INSYN2B: variants seen among roughly 807,000 people sequenced by gnomAD.
INSYN2B encodes the protein inhibitory synaptic factor family member 2B.
INSYN2B carries 16 observed loss-of-function variants against 41.2 expected under a neutral mutation model. That is an observed-to-expected ratio of 0.39 (90% CI 0.26 to 0.59). The LOEUF (loss-of-function observed/expected upper bound fraction) is 0.59, where lower values mean the gene tolerates loss of function less well. Among genes scored for constraint, INSYN2B ranks in the 20% least tolerant of loss-of-function variants. The probability of loss-of-function intolerance (pLI) is 0.57; values close to 1 mark genes in which losing one functional copy is unlikely to be tolerated. For missense variants in INSYN2B, 608 were observed against 646.4 expected, an observed-to-expected ratio of 0.94 and a Z score of 0.64; for synonymous variants, 245 against 244.4, an observed-to-expected ratio of 1.00 and a Z score of -0.02.
rs1428321219 is a variant in INSYN2B at position 169,883,978 on chromosome 5, G to A, written c.-80C>T. On this transcript the variant is annotated 5_prime_UTR_variant, in exon 2 of 4. Transcript: ENST00000377365. ...TTAGGTCTTTGGAGCAGTATCTAAT[G>A]ATAGTATTTCAATCATAGAGAACTG... The A allele has an allele frequency of 7.7e-7, 1 of 1,306,916 alleles. No homozygotes were observed. Among genetic ancestry groups the A allele is most frequent in the Non-Finnish European group, 1.0e-6 (1 of 989,154 alleles). The allele number at this position is 1,306,916 out of a possible 1,614,324, so 81.0% of individuals were successfully genotyped here.
chr5:169,963,026 T>G (rs1777155615), intron 1 of INSYN2B, among the ~76,000 whole-genome samples: 1 of 152,158 alleles, frequency 6.6e-6, no homozygotes, highest in Non-Finnish European at 1.5e-5. Flanking sequence ...GATGCTTAAG[T>G]GGGGCTTTGG....
At position 169,882,674 on chromosome 5, in the gene INSYN2B, G is replaced by T. The variant is rs1772723639; in HGVS notation, c.1225C>A (p.Leu409Ile). The T allele has an allele frequency of 1.3e-6, 2 of 1,551,952 alleles. No homozygotes were observed. The highest frequency in any genetic ancestry group is 1.7e-6 in the Non-Finnish European group (2 of 1,147,048). The change falls in exon 2 of 4, where the codon CTC (leucine) becomes ATC (isoleucine). Residue 409 changes from leucine to isoleucine, a missense_variant. Coordinates refer to ENST00000377365, the MANE Select transcript of INSYN2B (RefSeq NM_001129891.3). ...TGCAGTCGGCCTTGGAGGTCGCAGA[G>T]TTCACCCCGTGCCAGGTGAATTTGA... ...INQIHLARGE[L>I]CDLQGRLQSV...
At chr5:169,901,186 G>A (rs1471044884) in intron 1 of INSYN2B, among the ~76,000 whole-genome samples, 2 of 152,152 alleles carry the variant, frequency 1.3e-5, no homozygotes. Flanking sequence ...GATGGGATGG[G>A]CATGAAAAGA....
chr5:169,906,171 G>A (rs1774264118), intron 1 of INSYN2B, among the ~76,000 whole-genome samples: 1 of 152,152 alleles, frequency 6.6e-6, no homozygotes, highest in Admixed American at 6.5e-5. Context: ...ATTACTACAT[G>A]CCAGGCATTG....
At chr5:169,917,236 C>T (rs1039281211) in intron 1 of INSYN2B, among the ~76,000 whole-genome samples, 2 of 152,316 alleles carry the variant, frequency 1.3e-5, no homozygotes, top group South Asian at 2.1e-4. Flanking sequence ...AGGGTTGATT[C>T]CACAACCACA....
intron 1 of INSYN2B, among the ~76,000 whole-genome samples, chr5:169,921,422 T>A (rs1282324769): frequency 1.3e-5 from 2 of 152,174 alleles, no homozygotes; most frequent in Non-Finnish European, 2.9e-5. Context: ...AGGACTGCTG[T>A]GATATTCTTT....
At chr5:169,910,716 C>T (rs1276779925) in intron 1 of INSYN2B, among the ~76,000 whole-genome samples, 3 of 152,318 alleles carry the variant, frequency 2.0e-5, no homozygotes, top group South Asian at 4.1e-4. Context: ...AACAGAGAGG[C>T]AGTTTCTAAT....
intron 1 of INSYN2B, among the ~76,000 whole-genome samples, chr5:169,905,588 C>T (rs1316172049): frequency 6.6e-6 from 1 of 152,314 alleles, no homozygotes; most frequent in East Asian, 1.9e-4. Flanking sequence ...TCTTCAAGTC[C>T]TGTATACGGG....
intron 1 of INSYN2B, among the ~76,000 whole-genome samples, chr5:169,977,257 G>A (rs999777059): frequency 1.1e-4 from 16 of 152,170 alleles, no homozygotes; most frequent in African/African-American, 3.4e-4. Context: ...CATGTTCAGC[G>A]GCAGAGGCTC....
At chr5:169,914,954 C>G (rs987605392) in intron 1 of INSYN2B, among the ~76,000 whole-genome samples, 1 of 152,262 alleles carries the variant, frequency 6.6e-6, no homozygotes, top group Non-Finnish European at 1.5e-5. Context: ...CTGCCCAGAG[C>G]TGGCAGCCAG....
At chr5:169,973,202 C>A (rs2113768465) in intron 1 of INSYN2B, among the ~76,000 whole-genome samples, 1 of 152,304 alleles carries the variant, frequency 6.6e-6, no homozygotes, top group Middle Eastern at 3.4e-3. Context: ...GCCCCCTCCA[C>A]TCCCTTAAAC....
chr5:169,880,888 A>G lies in INSYN2B; in HGVS notation c.1421+480T>C, dbSNP rs369128956. Among the ~76,000 whole-genome samples the G allele has an allele frequency of 1.3e-3, 200 of 152,354 alleles. 5 individuals carry two copies. In the South Asian group the frequency reaches 0.04, roughly 30 times the overall value. ...GGAAATGACATACTTAGAAATGAAC[A>G]TAAAGTTCTTATCATGGTTCTTGAC... On this transcript the variant is annotated intron_variant, in intron 3 of 3. Coordinates refer to ENST00000377365, the MANE Select transcript of INSYN2B (RefSeq NM_001129891.3).
In INSYN2B at chr5:169,946,561, CCATT is replaced by C. The variant is rs144258254; in HGVS notation, c.-919+33712_-919+33715del. Among the ~76,000 whole-genome samples, 1,490 of 152,194 alleles carry C rather than the reference CCATT, an allele frequency of 9.8e-3. 9 individuals are homozygous for C. The highest frequency in any genetic ancestry group is 0.034 in the Middle Eastern group (10 of 294). On this transcript the variant is annotated intron_variant, in intron 1 of 3. Coordinates refer to ENST00000377365, the MANE Select transcript of INSYN2B (RefSeq NM_001129891.3). ...TGGGGGATCTGGCATAGTCACTCAT[CCATT>C]CATTCATTCATTCATTCATTCACTT...
At chr5:169,939,034 G>C (rs753597778) in intron 1 of INSYN2B, among the ~76,000 whole-genome samples, 3 of 151,624 alleles carry the variant, frequency 2.0e-5, no homozygotes, top group Non-Finnish European at 4.4e-5. Flanking sequence ...CTCGGGAGTA[G>C]CTGGGACTAC....
intron 1 of INSYN2B, chr5:169,934,826 G>A (rs259900): frequency 0.11 from 45,322 of 423,074 alleles, 3,431 homozygotes; most frequent in African/African-American, 0.3. Flanking sequence ...TGATTGTAGT[G>A]TCATCTGCAA....
chr5:169,865,371 C>T (rs930674606), intron 3 of INSYN2B, among the ~76,000 whole-genome samples: 1 of 152,162 alleles, frequency 6.6e-6, no homozygotes, highest in African/African-American at 2.4e-5. Context: ...GGTGCTGATG[C>T]TGTCTGTGAC....
chr5:169,943,677 A>C (rs1284981212), intron 1 of INSYN2B, among the ~76,000 whole-genome samples: 1 of 152,128 alleles, frequency 6.6e-6, no homozygotes, highest in African/African-American at 2.4e-5. Context: ...GTGGTTCTCA[A>C]GGTGTGGTCC....
At chr5:169,955,104 C>T (rs1776809815) in intron 1 of INSYN2B, among the ~76,000 whole-genome samples, 2 of 152,200 alleles carry the variant, frequency 1.3e-5, no homozygotes, top group Admixed American at 1.3e-4. Context: ...CAAGGCAACC[C>T]CATAACCTTG....
chr5:169,922,064 T>C (rs1206144466), intron 1 of INSYN2B, among the ~76,000 whole-genome samples: 1 of 152,264 alleles, frequency 6.6e-6, no homozygotes, highest in African/African-American at 2.4e-5. Flanking sequence ...CTTTCTATTC[T>C]GCTCATTTCC....
Sources: allele counts gnomAD v4.1 joint callset (sites outside exome capture counted in the v4.1 genomes callset), GRCh38; gene constraint gnomAD v4.1.1; transcripts MANE v1.5; gene names NCBI Gene and HGNC (gene_info 2026-07-23, HGNC 2026-07-21).